Variants in USP24 observed in about 807,000 individuals in gnomAD.
USP24 encodes the protein ubiquitin specific peptidase 24, also known as ubiquitin carboxyl-terminal hydrolase 24.
A neutral mutation model predicts 361.6 loss-of-function variants in USP24; 97 were observed. The observed-to-expected ratio is 0.27, with a 90% CI of 0.23 to 0.32. USP24 has a LOEUF of 0.32. Among genes scored for constraint, USP24 ranks in the 10% least tolerant of loss-of-function variants. The pLI is 1.00. For synonymous variants in USP24, 1,098 were observed against 1,124.6 expected (o/e 0.98, Z 0.47); for missense variants, 2,353 against 3,165.6 (o/e 0.74, Z 6.16).
intron 1 of USP24, among the ~76,000 whole-genome samples, chr1:55,213,636 A>C (rs1644904040): frequency 6.6e-6 from 1 of 152,146 alleles, no homozygotes; most frequent in African/African-American, 2.4e-5. Context: ...AAGCTGCTCT[A>C]CTGGCCCCTG....
At chr1:55,193,216 A>T (rs549604229) in intron 1 of USP24, among the ~76,000 whole-genome samples, 1 of 152,208 alleles carries the variant, frequency 6.6e-6, no homozygotes, top group Non-Finnish European at 1.5e-5. Flanking sequence ...TTTAAAGTAC[A>T]CAGGAGGATG....
chr1:55,144,162 A>C lies in USP24; in HGVS notation c.2404T>G (p.Cys802Gly). The change falls in exon 21 of 68, where the codon TGT (cysteine) becomes GGT (glycine). Residue 802 changes from cysteine (C) to glycine (G), a missense_variant. Cys to Gly is a radical substitution (Grantham distance 159). Transcript: ENST00000294383. Reference protein sequence around the residue: ...FKTFFENVNLCDHRLKRQGAQ... With the variant: ...FKTFFENVNLGDHRLKRQGAQ... The stretch of plus-strand genomic sequence containing the variant: ...CCTTGTCTTTTCAATCGATGATCAC[A>C]AAGATTCACATTTTCAAAAAAAGTT... The C allele has an allele frequency of 1.9e-6, 3 of 1,608,154 alleles. No homozygotes were observed. The highest frequency in any genetic ancestry group is 2.5e-6 in the Non-Finnish European group (3 of 1,177,778).
chr1:55,096,611 T>G lies in USP24; in HGVS notation c.5948A>C (p.Lys1983Thr). The G allele has an allele frequency of 6.2e-7, 1 of 1,610,690 alleles. No individual in the cohort carries two copies. Residue 1983 changes from lysine (K) to threonine (T), a missense_variant, in exon 50 of 68, where the codon AAA becomes ACA. Coordinates refer to ENST00000294383, the MANE Select transcript of USP24 (RefSeq NM_015306.3). ...SFIKDRRGCGKGKWYKFNDTV... is the reference protein window; with the variant it reads ...SFIKDRRGCGTGKWYKFNDTV... Reference sequence around the variant, plus strand: ...GTCATTAAATTTATACCACTTTCCTTTTCCACACCCTCTAGAACCCAGAGA... The same window carrying G: ...GTCATTAAATTTATACCACTTTCCTGTTCCACACCCTCTAGAACCCAGAGA...
At position 55,125,738 on chromosome 1, in the gene USP24, T is replaced by C; in HGVS notation, c.3656A>G (p.Gln1219Arg). 6.3e-7 allele frequency: 1 copy of C among 1,587,018 alleles called. No homozygotes were observed. Residue 1219 changes from glutamine to arginine, a missense_variant, in exon 33 of 68, where the codon CAG (glutamine) becomes CGG (arginine). Gln to Arg is a conservative substitution (Grantham distance 43). Coordinates refer to ENST00000294383, the MANE Select transcript of USP24 (RefSeq NM_015306.3). ...GGLSLVVNVM[Q>R]RDSIPSEVDY... ...TACTTCTGATGGGATGGAGTCTCTC[T>C]GCATGACATTTACAACCAAACTTCA...
intron 11 of USP24, 68 bp downstream of exon 11, chr1:55,157,188 C>A (rs756686696): frequency 5.4e-5 from 74 of 1,361,150 alleles, no homozygotes; most frequent in Non-Finnish European, 6.8e-5. Flanking sequence ...ATTTTGTATA[C>A]TTTTTAATAC....
chr1:55,179,117 A>C (rs191069576), intron 1 of USP24, among the ~76,000 whole-genome samples: 153 of 152,252 alleles, frequency 1.0e-3, no homozygotes, highest in African/African-American at 3.4e-3. Flanking sequence ...TCATCACTGA[A>C]CTTTATTTCA....
rs539455719 is a variant in USP24 at position 55,172,276 on chromosome 1, C to T, written c.702+101G>A. 5.2e-5 allele frequency: 59 copies of T among 1,136,394 alleles called. No homozygotes were observed. In the African/African-American group the frequency reaches 6.0e-4, roughly 11 times the overall value. 70.4% of individuals were successfully genotyped at this position (1,136,394 alleles called of 1,614,324 possible). Reference sequence around the variant, plus strand: ...GGATCCTAACAGCTAATATCCTTAACGATAAAATTATTATCACTCATTATT... The same window carrying T: ...GGATCCTAACAGCTAATATCCTTAATGATAAAATTATTATCACTCATTATT... On this transcript the variant is annotated intron_variant, in intron 4 of 67. Coordinates refer to ENST00000294383, the MANE Select transcript of USP24 (RefSeq NM_015306.3).
chr1:55,104,144 G>T, intron 41 of USP24, 124 bp from the exon 42 acceptor site: 1 of 1,216,322 alleles, frequency 8.2e-7, no homozygotes, highest in Non-Finnish European at 1.1e-6. Flanking sequence ...CTTAAGTCAG[G>T]TCTAACCCCA....
chr1:55,113,620 C>T (rs778633408), intron 38 of USP24, among the ~76,000 whole-genome samples: 6 of 152,098 alleles, frequency 3.9e-5, no homozygotes, highest in African/African-American at 9.7e-5. Context: ...GACATCGATG[C>T]GAAAATCCTC....
intron 59 of USP24, 142 bp from the exon 60 acceptor site, chr1:55,079,801 C>CTGTG: frequency 1.7e-6 from 2 of 1,146,338 alleles, no homozygotes; most frequent in Non-Finnish European, 2.3e-6. Flanking sequence ...ACTGAGTACT[C>CTGTG]ACACACTGAG....
At chr1:55,118,737 C>T (rs540245867) in intron 38 of USP24, among the ~76,000 whole-genome samples, 1 of 152,162 alleles carries the variant, frequency 6.6e-6, no homozygotes, top group Non-Finnish European at 1.5e-5. Flanking sequence ...TAAAAATGAG[C>T]AAAGGTCTTA....
intron 1 of USP24, among the ~76,000 whole-genome samples, chr1:55,197,710 A>G (rs1358841566): frequency 6.6e-6 from 1 of 152,204 alleles, no homozygotes; most frequent in Non-Finnish European, 1.5e-5. Context: ...TTCGATACCT[A>G]AATCACTTGT....
At chr1:55,092,942 T>A in intron 52 of USP24, 26 bp from the exon 53 acceptor site, 1 of 1,435,498 alleles carries the variant, frequency 7.0e-7, no homozygotes, top group South Asian at 1.4e-5. Flanking sequence ...AATAATTATT[T>A]TTATGAAATG....
chr1:55,203,237 GT>G (rs1015403403), intron 1 of USP24, among the ~76,000 whole-genome samples: 1 of 152,186 alleles, frequency 6.6e-6, no homozygotes, highest in African/African-American at 2.4e-5. Context: ...AATAGAGAAA[GT>G]TTATGAGGAA....
chr1:55,071,752 C>A, intron 67 of USP24, 62 bp downstream of exon 67: 1 of 1,497,134 alleles, frequency 6.7e-7, no homozygotes, highest in Middle Eastern at 1.8e-4. Flanking sequence ...TGTGGAAATT[C>A]TTTTTGGAAA....
intron 67 of USP24, 44 bp downstream of exon 67, chr1:55,071,770 A>G (rs1644923777): frequency 6.5e-7 from 1 of 1,547,368 alleles, no homozygotes; most frequent in African/African-American, 1.4e-5. Context: ...AAAGCTTAAG[A>G]GCAAGGCTGC....
chr1:55,140,721 G>C (rs1368166553), intron 24 of USP24, among the ~76,000 whole-genome samples: 1 of 152,132 alleles, frequency 6.6e-6, no homozygotes, highest in Non-Finnish European at 1.5e-5. Context: ...ATCACTAGAG[G>C]GCAGCAGCAG....
At chr1:55,092,691 A>G (rs918980948) in intron 53 of USP24, 130 bp downstream of exon 53, 9 of 660,470 alleles carry the variant, frequency 1.4e-5, no homozygotes, top group Non-Finnish European at 2.3e-5. Flanking sequence ...GGCTACATTC[A>G]CGGGAAAACC....
At chr1:55,096,771 T>A (rs1645505329) in intron 49 of USP24, 149 bp from the exon 50 acceptor site, 1 of 1,400,478 alleles carries the variant, frequency 7.1e-7, no homozygotes, top group African/African-American at 1.4e-5. Context: ...TTATTTCAAT[T>A]TCTAAAACAA....
Sources: gnomAD v4.1 joint callset for allele counts (sites outside exome capture counted in the v4.1 genomes callset) on GRCh38, gnomAD v4.1.1 for gene constraint, MANE v1.5 for transcripts, NCBI Gene and HGNC (gene_info 2026-07-23, HGNC 2026-07-21) for gene names.